Variants in STAT3 observed in about 807,000 individuals in gnomAD.
STAT3 encodes DNA-binding protein APRF.
STAT3 carries 7 observed loss-of-function variants against 114.3 expected under a neutral mutation model. The ratio of observed to expected loss-of-function variants is 0.06; its 90% CI spans 0.03 to 0.11. The LOEUF (loss-of-function observed/expected upper bound fraction) is 0.11. Among genes scored for constraint, STAT3 ranks in the 10% least tolerant of loss-of-function variants. The pLI is 1.00. For synonymous variants in STAT3, 331 were observed against 354.5 expected, an observed-to-expected ratio of 0.93 and a Z score of 0.74; for missense variants, 364 against 960.9, an observed-to-expected ratio of 0.38 and a Z score of 8.21.
At chr17:42,375,364 G>A (rs145159257) in intron 1 of STAT3, among the ~76,000 whole-genome samples, 1 of 152,316 alleles carries the variant, frequency 6.6e-6, no homozygotes, top group Non-Finnish European at 1.5e-5. Flanking sequence ...TGCTATGCCT[G>A]TGAGGATGAC....
rs994225725 is a variant in STAT3, at chr17:42,314,870, T to C, written c.*875A>G. The C allele has an allele frequency of 3.3e-5, 6 of 181,744 alleles. No homozygotes were observed. In the Admixed American group the frequency reaches 3.8e-4, roughly 11 times the overall value. 11.3% of individuals were successfully genotyped at this position (181,744 alleles called of 1,614,324 possible). Reference sequence around the variant, plus strand: ...AAGTTTCTTTTTTTTTTTTTTTTTTTTGAGACAGAGTCTCAGACTGTCGCC... The same window carrying C: ...AAGTTTCTTTTTTTTTTTTTTTTTTCTGAGACAGAGTCTCAGACTGTCGCC... On this transcript the variant is annotated 3_prime_UTR_variant, in exon 24 of 24. Coordinates refer to ENST00000264657, the MANE Select transcript of STAT3 (RefSeq NM_139276.3).
At chr17:42,321,187 A>T in intron 21 of STAT3, among the ~76,000 whole-genome samples, 1 of 139,476 alleles carries the variant, frequency 7.2e-6, no homozygotes. Flanking sequence ...TGGTGCGATC[A>T]TGGCTCACTG....
At chr17:42,361,511 C>T (rs1404300830) in intron 1 of STAT3, among the ~76,000 whole-genome samples, 1 of 151,650 alleles carries the variant, frequency 6.6e-6, no homozygotes, top group Non-Finnish European at 1.5e-5. Context: ...TCAGATGATG[C>T]TAAAGTGAGG....
intron 1 of STAT3, among the ~76,000 whole-genome samples, chr17:42,365,678 C>G (rs1455132477): frequency 1.5e-5 from 2 of 137,804 alleles, no homozygotes; most frequent in Non-Finnish European, 3.1e-5. Flanking sequence ...TTTTTTGAGA[C>G]GGAGTCTTGC....
rs2081156426 is a variant in STAT3 at position 42,313,726 on chromosome 17, G to A, written c.*2019C>T. On this transcript the variant is annotated 3_prime_UTR_variant, in exon 24 of 24. Coordinates refer to ENST00000264657, the MANE Select transcript of STAT3 (RefSeq NM_139276.3). ...GAGAAGCCCTGAACCCTCGCCCTAGGTCCCTATGATTTAAACCCAATGGTA... is the reference window on the plus strand; with the variant it reads ...GAGAAGCCCTGAACCCTCGCCCTAGATCCCTATGATTTAAACCCAATGGTA... The A allele has an allele frequency of 4.3e-6, 1 of 232,840 alleles. No homozygotes were observed. The highest frequency in any genetic ancestry group is 8.5e-6 in the Non-Finnish European group (1 of 117,574). 14.4% of individuals were successfully genotyped at this position (232,840 alleles called of 1,614,324 possible).
At chr17:42,378,049 G>A (rs1277052002) in intron 1 of STAT3, among the ~76,000 whole-genome samples, 1 of 147,114 alleles carries the variant, frequency 6.8e-6, no homozygotes, top group African/African-American at 2.5e-5. Context: ...GCAATGGCGC[G>A]ATCTCGGCTC....
chr17:42,324,707 G>A lies in STAT3; in HGVS notation c.1600+4C>T, dbSNP rs773000843. 1.2e-5 allele frequency: 19 copies of A among 1,610,750 alleles called. No individual in the cohort carries two copies. Among genetic ancestry groups the A allele is most frequent in the Admixed American group, 1.0e-4 (6 of 59,474 alleles). ...GCGGGAGGGAGAAGGGGTGAAATGC[G>A]GACCCAAGAGTTTCTCTGCCAGTGT... On this transcript the variant is annotated splice_donor_region_variant and intron_variant, in intron 17 of 23. Coordinates refer to ENST00000264657, the MANE Select transcript of STAT3 (RefSeq NM_139276.3). This position sits in a 1 kb window ranked among gnomAD's most constrained non-coding sequence, Gnocchi z 4.5.
intron 21 of STAT3, among the ~76,000 whole-genome samples, chr17:42,319,745 C>T (rs760158854): frequency 1.3e-4 from 20 of 151,882 alleles, no homozygotes; most frequent in Non-Finnish European, 1.5e-5. Context: ...ACCCTCATAC[C>T]ATAATACTCT....
At chr17:42,336,729 T>A (rs552448826) in intron 8 of STAT3, among the ~76,000 whole-genome samples, 46 of 152,276 alleles carry the variant, frequency 3.0e-4, no homozygotes, top group African/African-American at 1.1e-3. Flanking sequence ...CTACTAGTAC[T>A]GCTGATGATT....
chr17:42,378,602 T>C (rs1046475616), intron 1 of STAT3, among the ~76,000 whole-genome samples: 7 of 152,228 alleles, frequency 4.6e-5, no homozygotes, highest in African/African-American at 1.2e-4. Flanking sequence ...TCCCTAAACA[T>C]ACTGATGAAA....
chr17:42,376,028 G>GTAATCCCAGC (rs2084433777), intron 1 of STAT3, among the ~76,000 whole-genome samples: 1 of 151,708 alleles, frequency 6.6e-6, no homozygotes, highest in Admixed American at 6.6e-5. Flanking sequence ...GCTAGCCCCT[G>GTAATCCCAGC]TAATCCCAGC....
chr17:42,321,245 G>A (rs564929715), intron 21 of STAT3, among the ~76,000 whole-genome samples: 34 of 147,718 alleles, frequency 2.3e-4, no homozygotes, highest in Non-Finnish European at 1.6e-4. Flanking sequence ...TCAGCCTCCC[G>A]AGTAGCTAGG....
At chr17:42,376,620 G>C (rs997466745) in intron 1 of STAT3, among the ~76,000 whole-genome samples, 1 of 151,750 alleles carries the variant, frequency 6.6e-6, no homozygotes, top group South Asian at 2.1e-4. Context: ...GCCAAAGCGG[G>C]CGGATCACAA....
chr17:42,352,155 A>G (rs2082996833), intron 1 of STAT3, among the ~76,000 whole-genome samples: 1 of 152,140 alleles, frequency 6.6e-6, no homozygotes, highest in African/African-American at 2.4e-5. Context: ...CCTGGCCAAC[A>G]TAGTGAAACC....
chr17:42,378,889 G>A (rs1271481621), intron 1 of STAT3, among the ~76,000 whole-genome samples: 1 of 152,158 alleles, frequency 6.6e-6, no homozygotes, highest in Non-Finnish European at 1.5e-5. Flanking sequence ...AAAACAAAAT[G>A]AACATGAGAA....
At position 42,325,186 on chromosome 17, in the gene STAT3, C is replaced by T. The variant is rs2081652114; in HGVS notation, c.1366-125G>A. ...TGCCATAAACCACACCTGCTGCCAA[C>T]TCTAGGCGAGGAGTGTGAGTGAGTC... On this transcript the variant is annotated intron_variant, in intron 15 of 23. Transcript: ENST00000264657. The T allele has an allele frequency of 4.6e-6, 4 of 878,538 alleles. No homozygotes were observed. The South Asian group carries it at 4.7e-5, about 10-fold the overall frequency. The allele number at this position is 878,538 out of a possible 1,614,324, so 54.4% of individuals were successfully genotyped here.
chr17:42,348,982 C>T (rs2082818927), intron 1 of STAT3, among the ~76,000 whole-genome samples: 1 of 152,192 alleles, frequency 6.6e-6, no homozygotes, highest in African/African-American at 2.4e-5. Flanking sequence ...CCTCCCACCT[C>T]AGCCTCCCGA....
chr17:42,376,440 A>G (rs1477203306), intron 1 of STAT3, among the ~76,000 whole-genome samples: 1 of 144,726 alleles, frequency 6.9e-6, no homozygotes, highest in East Asian at 2.2e-4. Context: ...CCAGCTACTC[A>G]GGAGGCTGAG....
At chr17:42,384,124 A>ATTTTTT (rs1202429954) in intron 1 of STAT3, among the ~76,000 whole-genome samples, 2 of 81,958 alleles carry the variant, frequency 2.4e-5, no homozygotes, top group African/African-American at 3.4e-5. Context: ...TTATTTATTT[A>ATTTTTT]TTTATTTATT....
Sources: gnomAD v4.1 joint callset for allele counts (sites outside exome capture counted in the v4.1 genomes callset) on GRCh38, gnomAD v4.1.1 for gene constraint, Gnocchi (gnomAD v3.1) non-coding constraint, MANE v1.5 for transcripts, NCBI Gene and HGNC (gene_info 2026-07-23, HGNC 2026-07-21) for gene names.